Variants in SNAI2 observed in about 807,000 individuals in gnomAD.
SNAI2 encodes the protein snail family transcriptional repressor 2, also known as zinc finger protein SNAI2.
Under a neutral mutation model 22.4 loss-of-function variants are expected in SNAI2, and 2 were observed. The observed-to-expected ratio is 0.09, with a 90% CI of 0.04 to 0.28. The LOEUF is 0.28. SNAI2 is among the 10% of genes least tolerant of loss of function. SNAI2 has a pLI of 1.00. For missense variants in SNAI2, 239 were observed against 320.8 expected (o/e 0.75, Z 1.95); for synonymous variants, 134 against 123.0 (o/e 1.09, Z -0.59).
Position 48,918,743 on chromosome 8 carries a change from T to C in SNAI2, c.*64A>G. On this transcript the variant is annotated 3_prime_UTR_variant, in exon 3 of 3. Transcript: ENST00000020945. ...CACAGGAGAAAATGCCTTTGGACTT[T>C]ATTTGTCATTTGGCTTCGGAGTGAA... is the stretch of plus-strand genomic sequence containing the variant. 1 of 1,586,054 alleles carries C rather than the reference T, an allele frequency of 6.3e-7. No individual in the cohort carries two copies. Among genetic ancestry groups the C allele is most frequent in the East Asian group, 2.2e-5 (1 of 44,728 alleles).
At position 48,921,342 on chromosome 8, in the gene SNAI2, G is replaced by A. The variant is rs566724701; in HGVS notation, c.-77C>T. On this transcript the variant is annotated 5_prime_UTR_variant, in exon 1 of 3. Coordinates refer to ENST00000020945, the MANE Select transcript of SNAI2 (RefSeq NM_003068.5). ...GACACGGCGGTCCCTACAGCATCGCGGCGGGCCAGGCTCGGGCAGGGGCCG... is the reference window on the plus strand; with the variant it reads ...GACACGGCGGTCCCTACAGCATCGCAGCGGGCCAGGCTCGGGCAGGGGCCG... 3.2e-5 allele frequency: 37 copies of A among 1,146,576 alleles called. No homozygotes were observed. Among genetic ancestry groups the A allele is most frequent in the African/African-American group, 3.2e-4 (21 of 66,254 alleles). The allele number at this position is 1,146,576 out of a possible 1,614,324, so 71.0% of individuals were successfully genotyped here.
At position 48,920,083 on chromosome 8, in the gene SNAI2, A is replaced by G; in HGVS notation, c.438T>C (p.His146=). The change falls in exon 2 of 3, where the codon CAT becomes CAC. Residue 146 remains histidine (H), a synonymous_variant. Transcript: ENST00000020945. The part of the protein sequence containing the change: ...TYSTFSGLAK[H]KQLHCDAQSR... ...ACTGGGCATCGCAGTGCAGCTGCTT[A>G]TGTTTGGCCAGCCCAGAAAAAGTTG... 1.2e-6 allele frequency: 2 copies of G among 1,614,202 alleles called. No individual in the cohort carries two copies. Among genetic ancestry groups the G allele is most frequent in the Non-Finnish European group, 1.7e-6 (2 of 1,180,038 alleles).
In SNAI2 at chr8:48,921,358, G is replaced by GC. The variant is rs1806160007; in HGVS notation, c.-94dup. The GC allele has an allele frequency of 3.0e-6, 3 of 989,870 alleles. No individual in the cohort carries two copies. The Admixed American group carries it at 5.1e-5, about 17-fold the overall frequency. The allele number at this position is 989,870 out of a possible 1,614,324, so 61.3% of individuals were successfully genotyped here. On this transcript the variant is annotated 5_prime_UTR_variant, in exon 1 of 3. Coordinates refer to ENST00000020945, the MANE Select transcript of SNAI2 (RefSeq NM_003068.5). ...CAGCATCGCGGCGGGCCAGGCTCGGGCAGGGGCCGTGCTCAGGTGCGGCAG... is the reference window on the plus strand; with the variant it reads ...CAGCATCGCGGCGGGCCAGGCTCGGGCCAGGGGCCGTGCTCAGGTGCGGCAG...
In SNAI2 at chr8:48,918,561, T is replaced by A; in HGVS notation, c.*246A>T. 2 of 512,452 alleles carry A rather than the reference T, an allele frequency of 3.9e-6. No homozygotes were observed. Among genetic ancestry groups the A allele is most frequent in the East Asian group, 3.3e-5 (1 of 29,868 alleles). 31.7% of individuals were successfully genotyped at this position (512,452 alleles called of 1,614,324 possible). On this transcript the variant is annotated 3_prime_UTR_variant, in exon 3 of 3. Coordinates refer to ENST00000020945, the MANE Select transcript of SNAI2 (RefSeq NM_003068.5). ...AGGTTACTGTCTTTTATTCTCTCAA[T>A]CTAGCCATCAGCAAATATATAGTAA...
Position 48,921,369 on chromosome 8 carries a change from G to T in SNAI2, c.-104C>A, listed in dbSNP as rs1806160371. ...CGGGCCAGGCTCGGGCAGGGGCCGT[G>T]CTCAGGTGCGGCAGACGGACGGGCC... On this transcript the variant is annotated 5_prime_UTR_variant, in exon 1 of 3. Coordinates refer to ENST00000020945, the MANE Select transcript of SNAI2 (RefSeq NM_003068.5). 2.3e-6 allele frequency: 2 copies of T among 881,360 alleles called. No individual in the cohort carries two copies. Among genetic ancestry groups the T allele is most frequent in the East Asian group, 2.4e-5 (1 of 41,438 alleles). The allele number at this position is 881,360 out of a possible 1,614,324, so 54.6% of individuals were successfully genotyped here.
intron 2 of SNAI2, among the ~76,000 whole-genome samples, 185 bp from the exon 3 acceptor site, chr8:48,919,173 T>C (rs970144099): frequency 2.6e-5 from 4 of 152,228 alleles, no homozygotes; most frequent in Admixed American, 1.3e-4. Flanking sequence ...AACTTGAATA[T>C]TGCATTTAAA....
rs1356067383 is a variant in SNAI2, at chr8:48,918,663, G to GTGTGTGTGTGTGTGCA, written c.*128_*143dup. 1 of 720,756 alleles carries GTGTGTGTGTGTGTGCA rather than the reference G, an allele frequency of 1.4e-6. No individual in the cohort carries two copies. Among genetic ancestry groups the GTGTGTGTGTGTGTGCA allele is most frequent in the Non-Finnish European group, 2.5e-6 (1 of 404,686 alleles). 44.6% of individuals were successfully genotyped at this position (720,756 alleles called of 1,614,324 possible). ...CTTGCAGCTCTCTCTCTGTGGGTGT[G>GTGTGTGTGTGTGTGCA]TGTGTGTGTGTGTGCATATGTGTGT... On this transcript the variant is annotated 3_prime_UTR_variant, in exon 3 of 3. Coordinates refer to ENST00000020945, the MANE Select transcript of SNAI2 (RefSeq NM_003068.5).
Position 48,918,700 on chromosome 8 carries a change from T to G in SNAI2, c.*107A>C. The G allele has an allele frequency of 1.0e-6, 1 of 998,174 alleles. No homozygotes were observed. Among genetic ancestry groups the G allele is most frequent in the Non-Finnish European group, 1.6e-6 (1 of 626,676 alleles). 61.8% of individuals were successfully genotyped at this position (998,174 alleles called of 1,614,324 possible). Reference sequence around the variant, plus strand: ...GTGCATATGTGTGTGTGTCTATACATATTATTTGGTTGGTCAGCACAGGAG... The same window carrying G: ...GTGCATATGTGTGTGTGTCTATACAGATTATTTGGTTGGTCAGCACAGGAG... On this transcript the variant is annotated 3_prime_UTR_variant, in exon 3 of 3. Coordinates refer to ENST00000020945, the MANE Select transcript of SNAI2 (RefSeq NM_003068.5).
intron 1 of SNAI2, among the ~76,000 whole-genome samples, chr8:48,920,891 T>C (rs1806153096): frequency 1.3e-5 from 2 of 152,230 alleles, no homozygotes; most frequent in South Asian, 4.1e-4. Context: ...AACGCAGTAA[T>C]TCAATCCTTA....
chr8:48,920,174 T>C lies in SNAI2; in HGVS notation c.347A>G (p.Lys116Arg), dbSNP rs774130913. Residue 116 changes from lysine (K) to arginine (R), a missense_variant, in exon 2 of 3, where the codon AAG becomes AGG. Lys to Arg is a conservative substitution (Grantham distance 26). Coordinates refer to ENST00000020945, the MANE Select transcript of SNAI2 (RefSeq NM_003068.5). ...ISDEEERLQS[K>R]LSDPHAIEAE... ...TTCAATGGCATGGGGGTCTGAAAGC[T>C]TGGACTGTAGTCTTTCCTCTTCATC... 2 of 1,614,104 alleles carry C rather than the reference T, an allele frequency of 1.2e-6. No homozygotes were observed. Among genetic ancestry groups the C allele is most frequent in the Non-Finnish European group, 8.5e-7 (1 of 1,180,046 alleles).
In SNAI2 at chr8:48,920,300, G is replaced by C; in HGVS notation, c.221C>G (p.Ser74Cys). 1 of 1,612,588 alleles carries C rather than the reference G, an allele frequency of 6.2e-7. No individual in the cohort carries two copies. Among genetic ancestry groups the C allele is most frequent in the Non-Finnish European group, 8.5e-7 (1 of 1,178,836 alleles). ...AGATGAGGAGTATCCGGAAAGAGGAGAGAGGCCATTGGGTAGCTGGGCGTG... is the reference window on the plus strand; with the variant it reads ...AGATGAGGAGTATCCGGAAAGAGGACAGAGGCCATTGGGTAGCTGGGCGTG... ...PFHAQLPNGL[S>C]PLSGYSSSLG... is the part of the protein sequence containing the mutation. Residue 74 changes from serine (S) to cysteine (C), a missense_variant, in exon 2 of 3, where the codon TCT becomes TGT. By Grantham distance (112) the Ser-to-Cys change is moderately radical (BLOSUM62 -1). Coordinates refer to ENST00000020945, the MANE Select transcript of SNAI2 (RefSeq NM_003068.5).
At chr8:48,920,463 G>C (rs969169160) in intron 1 of SNAI2, 22 bp from the exon 2 acceptor site, 7 of 1,608,386 alleles carry the variant, frequency 4.4e-6, no homozygotes, top group Admixed American at 3.3e-5. Context: ...AAGGGAGGGA[G>C]AGAAGATTAA....
In SNAI2 at chr8:48,917,668, C is replaced by A. The variant is rs998256287; in HGVS notation, c.*1139G>T. 8 of 152,156 alleles carry A rather than the reference C, an allele frequency of 5.3e-5. No individual in the cohort carries two copies. Among genetic ancestry groups the A allele is most frequent in the Admixed American group, 4.6e-4 (7 of 15,278 alleles). The allele number at this position is 152,156 out of a possible 1,614,324, so 9.4% of individuals were successfully genotyped here. ...AATAACACTTCAGATGCATAATAAG[C>A]ATTATTCATTTTTTTCTTGTTAACA... On this transcript the variant is annotated 3_prime_UTR_variant, in exon 3 of 3. Coordinates refer to ENST00000020945, the MANE Select transcript of SNAI2 (RefSeq NM_003068.5).
At position 48,917,843 on chromosome 8, in the gene SNAI2, C is replaced by T. The variant is rs886062983; in HGVS notation, c.*964G>A. On this transcript the variant is annotated 3_prime_UTR_variant, in exon 3 of 3. Transcript: ENST00000020945. ...AAAAAGAAACATTGATTTCACAAGT[C>T]TTCAGGTTGTTTATAGACATAGCTA... is the stretch of plus-strand genomic sequence containing the variant. 6.6e-6 allele frequency: 1 copy of T among 152,054 alleles called. No homozygotes were observed. The highest frequency in any genetic ancestry group is 1.5e-5 in the Non-Finnish European group (1 of 67,984). The allele number at this position is 152,054 out of a possible 1,614,324, so 9.4% of individuals were successfully genotyped here. A position where few individuals can be genotyped will look rare whatever the true frequency, so the allele number is the denominator to read the frequency against.
chr8:48,921,102 T>C (rs969036477), intron 1 of SNAI2, 85 bp downstream of exon 1: 20 of 1,005,956 alleles, frequency 2.0e-5, no homozygotes, highest in Non-Finnish European at 3.0e-5. Flanking sequence ...TTGGCTCTTT[T>C]GTAATGGTAT....
In SNAI2 at chr8:48,921,327, T is replaced by C. The variant is rs1438936163; in HGVS notation, c.-62A>G. 7.7e-7 allele frequency: 1 copy of C among 1,299,556 alleles called. No homozygotes were observed. Among genetic ancestry groups the C allele is most frequent in the Non-Finnish European group, 1.1e-6 (1 of 903,144 alleles). The allele number at this position is 1,299,556 out of a possible 1,614,324, so 80.5% of individuals were successfully genotyped here. A position where few individuals can be genotyped will look rare whatever the true frequency, so the allele number is the denominator to read the frequency against. On this transcript the variant is annotated 5_prime_UTR_variant, in exon 1 of 3. Transcript: ENST00000020945. ...ACGGTCCGGCGGGAGGACACGGCGG[T>C]CCCTACAGCATCGCGGCGGGCCAGG... is the stretch of plus-strand genomic sequence containing the variant.
At position 48,921,350 on chromosome 8, in the gene SNAI2, A is replaced by G. The variant is rs1806159785; in HGVS notation, c.-85T>C. ...GGTCCCTACAGCATCGCGGCGGGCC[A>G]GGCTCGGGCAGGGGCCGTGCTCAGG... On this transcript the variant is annotated 5_prime_UTR_variant, in exon 1 of 3. Coordinates refer to ENST00000020945, the MANE Select transcript of SNAI2 (RefSeq NM_003068.5). 4 of 1,029,970 alleles carry G rather than the reference A, an allele frequency of 3.9e-6. No homozygotes were observed. The highest frequency in any genetic ancestry group is 1.5e-6 in the Non-Finnish European group (1 of 660,972). The allele number at this position is 1,029,970 out of a possible 1,614,324, so 63.8% of individuals were successfully genotyped here.
At position 48,920,017 on chromosome 8, in the gene SNAI2, A is replaced by T. The variant is rs1806137365; in HGVS notation, c.504T>A (p.Tyr168Ter). 1 of 1,614,112 alleles carries T rather than the reference A, an allele frequency of 6.2e-7. No homozygotes were observed. The highest frequency in any genetic ancestry group is 1.1e-5 in the South Asian group (1 of 91,096). The change falls in exon 2 of 3, where the codon TAT becomes TAA. Residue 168 changes from tyrosine to a stop codon, truncating the protein, a stop_gained. Coordinates refer to ENST00000020945, the MANE Select transcript of SNAI2 (RefSeq NM_003068.5). LOFTEE classifies it high-confidence loss of function. ...SFSCKYCDKE[Y>*]VSLGALKMHI... ...GCATCTTCAGGGCGCCCAGGCTCAC[A>T]TATTCCTTGTCACAGTATTTACAGC... is the stretch of plus-strand genomic sequence containing the variant.
In SNAI2 at chr8:48,921,340, G is replaced by C; in HGVS notation, c.-75C>G. 2 of 1,192,598 alleles carry C rather than the reference G, an allele frequency of 1.7e-6. No homozygotes were observed. The highest frequency in any genetic ancestry group is 2.5e-6 in the Non-Finnish European group (2 of 807,196). The allele number at this position is 1,192,598 out of a possible 1,614,324, so 73.9% of individuals were successfully genotyped here. Reference sequence around the variant, plus strand: ...AGGACACGGCGGTCCCTACAGCATCGCGGCGGGCCAGGCTCGGGCAGGGGC... The same window carrying C: ...AGGACACGGCGGTCCCTACAGCATCCCGGCGGGCCAGGCTCGGGCAGGGGC... On this transcript the variant is annotated 5_prime_UTR_variant, in exon 1 of 3. Coordinates refer to ENST00000020945, the MANE Select transcript of SNAI2 (RefSeq NM_003068.5).
Sources: gnomAD v4.1 joint callset for allele counts (sites outside exome capture counted in the v4.1 genomes callset) on GRCh38, gnomAD v4.1.1 for gene constraint, MANE v1.5 for transcripts, NCBI Gene and HGNC (gene_info 2026-07-23, HGNC 2026-07-21) for gene names.